The following GSTCD variants were observed in gnomAD, a reference collection of about 807,000 sequenced individuals.
GSTCD encodes glutathione S-transferase C-terminal domain containing, also known as glutathione S-transferase C-terminal domain-containing protein.
Under a neutral mutation model 68.3 loss-of-function variants are expected in GSTCD, and 44 were observed. The ratio of observed to expected loss-of-function variants is 0.64; its 90% CI spans 0.51 to 0.83. GSTCD has a LOEUF of 0.83. Ranked by LOEUF, GSTCD falls within the 40% of genes least tolerant of loss-of-function variation. The pLI is 0.00. For synonymous variants in GSTCD, 273 were observed against 255.2 expected, an observed-to-expected ratio of 1.07 and a Z score of -0.67; for missense variants, 739 against 735.9, an observed-to-expected ratio of 1.00 and a Z score of -0.05.
intron 5 of GSTCD, among the ~76,000 whole-genome samples, chr4:105,790,641 C>G (rs1001519626): frequency 6.6e-6 from 1 of 151,870 alleles, no homozygotes; most frequent in Non-Finnish European, 1.5e-5. Flanking sequence ...ACCCTGTCTT[C>G]CCACAAAAAA....
intron 3 of GSTCD, 129 bp from the exon 4 acceptor site, chr4:105,726,450 C>G: frequency 1.6e-6 from 1 of 622,330 alleles, no homozygotes; most frequent in East Asian, 2.8e-5. Flanking sequence ...TAACTGGATA[C>G]ATTTACTACA....
intron 5 of GSTCD, among the ~76,000 whole-genome samples, chr4:105,757,686 A>C (rs1345860017): frequency 6.6e-6 from 1 of 152,216 alleles, no homozygotes; most frequent in Non-Finnish European, 1.5e-5. Flanking sequence ...CATCAATGTC[A>C]GCTGAGCTTT....
chr4:105,796,002 C>A (rs1420829637), intron 5 of GSTCD, among the ~76,000 whole-genome samples: 7 of 152,178 alleles, frequency 4.6e-5, no homozygotes, highest in Non-Finnish European at 1.0e-4. Flanking sequence ...ATTAATATTG[C>A]AACTTTTGTT....
chr4:105,755,196 A>G (rs1002795710), intron 5 of GSTCD, among the ~76,000 whole-genome samples: 42 of 151,754 alleles, frequency 2.8e-4, no homozygotes, highest in Admixed American at 2.6e-4. Context: ...GCAGTGGGCC[A>G]TGATCACACC....
chr4:105,755,405 C>G (rs1168438810), intron 5 of GSTCD, among the ~76,000 whole-genome samples: 1 of 152,066 alleles, frequency 6.6e-6, no homozygotes, highest in South Asian at 2.1e-4. Context: ...AATAAATTCC[C>G]TGACCTATAT....
At chr4:105,733,141 G>A (rs2149215080) in intron 5 of GSTCD, among the ~76,000 whole-genome samples, 1 of 152,320 alleles carries the variant, frequency 6.6e-6, no homozygotes, top group East Asian at 1.9e-4. Flanking sequence ...GTGTGGTGTG[G>A]TGCTGAGAAA....
rs981874823 is a variant in GSTCD, at chr4:105,743,173, A to G, written c.1240+13674A>G. On this transcript the variant is annotated intron_variant, in intron 5 of 11. Coordinates refer to ENST00000515279, the MANE Select transcript of GSTCD (RefSeq NM_001370181.1). Reference sequence around the variant, plus strand: ...CACCATGTTAGCCAGGATGGTCTCGATCTCCTGACCTCATGATCTGCCCCC... The same window carrying G: ...CACCATGTTAGCCAGGATGGTCTCGGTCTCCTGACCTCATGATCTGCCCCC... Among the ~76,000 whole-genome samples, 3 of 151,894 alleles carry G rather than the reference A, an allele frequency of 2.0e-5. No homozygotes were observed. In the South Asian group the frequency reaches 6.2e-4, roughly 32 times the overall value.
At chr4:105,811,013 A>G (rs997795571) in intron 5 of GSTCD, among the ~76,000 whole-genome samples, 1 of 152,172 alleles carries the variant, frequency 6.6e-6, no homozygotes, top group Non-Finnish European at 1.5e-5. Context: ...AAATAAAGCA[A>G]TATTTCCTGA....
chr4:105,799,073 A>G (rs1174487523), intron 5 of GSTCD, among the ~76,000 whole-genome samples: 1 of 152,186 alleles, frequency 6.6e-6, no homozygotes, highest in Non-Finnish European at 1.5e-5. Context: ...TATGTCATGG[A>G]GATATCTCCT....
At chr4:105,818,679 C>A (rs964890239) in intron 5 of GSTCD, among the ~76,000 whole-genome samples, 1 of 151,560 alleles carries the variant, frequency 6.6e-6, no homozygotes. Flanking sequence ...AAAGCATGCT[C>A]AGTGATTAGC....
At chr4:105,755,594 T>C (rs764136613) in intron 5 of GSTCD, among the ~76,000 whole-genome samples, 1 of 151,928 alleles carries the variant, frequency 6.6e-6, no homozygotes, top group Non-Finnish European at 1.5e-5. Flanking sequence ...TAGTGTTAGA[T>C]CTCACATGTT....
At chr4:105,775,285 A>G (rs1007755311) in intron 5 of GSTCD, among the ~76,000 whole-genome samples, 2 of 152,032 alleles carry the variant, frequency 1.3e-5, no homozygotes. Flanking sequence ...GCTTCTTTGC[A>G]TTGGGTTAGA....
At chr4:105,731,459 T>C (rs1733237288) in intron 5 of GSTCD, among the ~76,000 whole-genome samples, 1 of 152,192 alleles carries the variant, frequency 6.6e-6, no homozygotes, top group Admixed American at 6.5e-5. Context: ...CCCTTGTAAG[T>C]TGGATTCCTA....
At chr4:105,770,527 C>G (rs1734804384) in intron 5 of GSTCD, among the ~76,000 whole-genome samples, 1 of 152,124 alleles carries the variant, frequency 6.6e-6, no homozygotes, top group Non-Finnish European at 1.5e-5. Flanking sequence ...CCTCTATTCC[C>G]CCAAACTCTA....
chr4:105,738,833 CT>C (rs540265487), intron 5 of GSTCD, among the ~76,000 whole-genome samples: 3 of 152,116 alleles, frequency 2.0e-5, no homozygotes, highest in Non-Finnish European at 4.4e-5. Flanking sequence ...CTTTATTTCT[CT>C]TGCCTAATTG....
intron 8 of GSTCD, among the ~76,000 whole-genome samples, chr4:105,832,328 G>A (rs1001658690): frequency 6.6e-6 from 1 of 151,988 alleles, no homozygotes; most frequent in African/African-American, 2.4e-5. Flanking sequence ...GTGAAAACTA[G>A]GAGCATGTGA....
intron 5 of GSTCD, among the ~76,000 whole-genome samples, chr4:105,811,082 A>G (rs1722728289): frequency 6.6e-6 from 1 of 152,182 alleles, no homozygotes; most frequent in Non-Finnish European, 1.5e-5. Context: ...TCAGTTGTCA[A>G]GTAATCTGGG....
At position 105,719,332 on chromosome 4, in the gene GSTCD, A is replaced by G. The variant is rs1360516572; in HGVS notation, c.699A>G (p.Ser233=). The change falls in exon 3 of 12, where the codon TCA becomes TCG. Residue 233 remains serine, a synonymous_variant. Transcript: ENST00000515279. ...TQETSEGLDS[S]SKSLELKVAF... ...AAACATCTGAAGGGTTGGATTCTTC[A>G]TCCAAGAGTCTGGAACTGAAAGTGG... The G allele has an allele frequency of 6.2e-7, 1 of 1,614,152 alleles. No homozygotes were observed. Among genetic ancestry groups the G allele is most frequent in the Non-Finnish European group, 8.5e-7 (1 of 1,180,004 alleles).
intron 5 of GSTCD, among the ~76,000 whole-genome samples, chr4:105,780,522 A>T (rs11732298): frequency 0.054 from 8,174 of 152,292 alleles, 253 homozygotes; most frequent in Middle Eastern, 0.14. Context: ...ACTGAACAGA[A>T]TGAATGGATG....
Sources: gnomAD v4.1 joint callset for allele counts (sites outside exome capture counted in the v4.1 genomes callset) on GRCh38, gnomAD v4.1.1 for gene constraint, MANE v1.5 for transcripts, NCBI Gene and HGNC (gene_info 2026-07-23, HGNC 2026-07-21) for gene names.